PTPRG: variants seen among roughly 807,000 people sequenced by gnomAD.
PTPRG encodes the protein protein tyrosine phosphatase receptor type G.
In PTPRG, 102 loss-of-function variants were observed where a neutral mutation model predicts 165.3. The ratio of observed to expected loss-of-function variants is 0.62; its 90% CI spans 0.53 to 0.73. The LOEUF (loss-of-function observed/expected upper bound fraction) is 0.73. Among genes scored for constraint, PTPRG ranks in the 30% least tolerant of loss-of-function variants. The probability of loss-of-function intolerance (pLI) is 0.00; values close to 1 mark genes in which losing one functional copy is unlikely to be tolerated. For missense variants in PTPRG, 1,866 were observed against 1,861.4 expected (o/e 1.00, Z -0.05); for synonymous variants, 675 against 669.5 (o/e 1.01, Z -0.13).
chr3:61,877,353 G>C (rs1168142640), intron 2 of PTPRG, among the ~76,000 whole-genome samples: 1 of 152,142 alleles, frequency 6.6e-6, no homozygotes, highest in Non-Finnish European at 1.5e-5. Context: ...TGCTGGCCTG[G>C]CCTGGCCCTC....
At chr3:61,809,261 T>G (rs2035504179) in intron 2 of PTPRG, among the ~76,000 whole-genome samples, 1 of 151,822 alleles carries the variant, frequency 6.6e-6, no homozygotes, top group African/African-American at 2.4e-5. Flanking sequence ...AAGGTATAAT[T>G]ATATTACCAT....
intron 5 of PTPRG, among the ~76,000 whole-genome samples, chr3:62,113,160 G>A (rs1030885693): frequency 6.6e-6 from 1 of 152,156 alleles, no homozygotes; most frequent in Non-Finnish European, 1.5e-5. Flanking sequence ...AGTTTGCTGA[G>A]AAATTCCATA....
At chr3:61,619,362 G>A (rs981596684) in intron 1 of PTPRG, among the ~76,000 whole-genome samples, 1 of 152,028 alleles carries the variant, frequency 6.6e-6, no homozygotes, top group Non-Finnish European at 1.5e-5. Context: ...AACTGAGGGA[G>A]GGTTAATAGT....
chr3:61,585,751 G>T (rs1700420299), intron 1 of PTPRG, among the ~76,000 whole-genome samples: 1 of 152,176 alleles, frequency 6.6e-6, no homozygotes, highest in East Asian at 1.9e-4. Context: ...TGTCTCAAAA[G>T]AAAACAATAT....
intron 4 of PTPRG, among the ~76,000 whole-genome samples, chr3:62,020,847 T>TTG (rs1435024984): frequency 2.1e-4 from 32 of 150,118 alleles, no homozygotes; most frequent in Non-Finnish European, 3.4e-4. Flanking sequence ...TTTTTTTTGT[T>TTG]TTTTTTTTTT....
intron 2 of PTPRG, among the ~76,000 whole-genome samples, chr3:61,916,227 A>G (rs1400227230): frequency 2.6e-5 from 4 of 152,172 alleles, no homozygotes; most frequent in Non-Finnish European, 4.4e-5. Flanking sequence ...GCATTTGTAA[A>G]TTGAGTTTTT....
chr3:61,819,233 G>A (rs892665690), intron 2 of PTPRG, among the ~76,000 whole-genome samples: 14 of 152,204 alleles, frequency 9.2e-5, no homozygotes, highest in African/African-American at 3.4e-4. Context: ...TCATATGATT[G>A]TGAGTGTGCC....
rs1476439863 is a variant in PTPRG, at chr3:62,295,348, ATAGAG to A, written c.*2044_*2048del. 4 of 152,112 alleles carry A rather than the reference ATAGAG, an allele frequency of 2.6e-5. No individual in the cohort carries two copies. The highest frequency in any genetic ancestry group is 4.8e-5 in the African/African-American group (2 of 41,426). 9.4% of individuals were successfully genotyped at this position (152,112 alleles called of 1,614,324 possible). A position where few individuals can be genotyped will look rare whatever the true frequency, so the allele number is the denominator to read the frequency against. On this transcript the variant is annotated 3_prime_UTR_variant, in exon 30 of 30. Transcript: ENST00000474889. ...CAATTAAGTGGGTTGTTTTAGATGTATAGAGTATTGATATGAGTTAACACTTTTTA... is the reference window on the plus strand; with the variant it reads ...CAATTAAGTGGGTTGTTTTAGATGTATATTGATATGAGTTAACACTTTTTA...
chr3:61,799,006 T>C (rs2035150121), intron 2 of PTPRG, among the ~76,000 whole-genome samples: 2 of 151,932 alleles, frequency 1.3e-5, no homozygotes, highest in South Asian at 4.2e-4. Context: ...TCTCCACCTG[T>C]TAGGGACATA....
intron 6 of PTPRG, among the ~76,000 whole-genome samples, chr3:62,153,437 G>A (rs1032962977): frequency 8.5e-5 from 13 of 152,358 alleles, no homozygotes; most frequent in South Asian, 8.3e-4. Flanking sequence ...GCCATCAAAT[G>A]TCAGTTAATT....
chr3:62,047,846 T>TC (rs1273930942), intron 4 of PTPRG, among the ~76,000 whole-genome samples: 4 of 151,888 alleles, frequency 2.6e-5, no homozygotes, highest in Non-Finnish European at 5.9e-5. Context: ...TACCATTCCC[T>TC]CCCCCAGCCT....
At chr3:61,970,028 A>G (rs2040349350) in intron 2 of PTPRG, among the ~76,000 whole-genome samples, 1 of 152,254 alleles carries the variant, frequency 6.6e-6, no homozygotes, top group South Asian at 2.1e-4. Flanking sequence ...AGCCATAGAT[A>G]GATTCCTATC....
At chr3:61,614,140 G>T (rs565331359) in intron 1 of PTPRG, among the ~76,000 whole-genome samples, 1 of 152,156 alleles carries the variant, frequency 6.6e-6, no homozygotes, top group Non-Finnish European at 1.5e-5. Flanking sequence ...CTCTTCGCCT[G>T]TTGTTCCTCA....
chr3:61,970,829 A>G (rs1575835805), intron 2 of PTPRG, among the ~76,000 whole-genome samples: 1 of 152,336 alleles, frequency 6.6e-6, no homozygotes, highest in Middle Eastern at 3.4e-3. Context: ...GAGTTCATAA[A>G]TGGGAACTTA....
intron 2 of PTPRG, among the ~76,000 whole-genome samples, chr3:61,788,693 C>T (rs1385198305): frequency 6.6e-6 from 1 of 152,204 alleles, no homozygotes; most frequent in Non-Finnish European, 1.5e-5. Context: ...TATTTTTGTC[C>T]TATAAAGAGA....
At chr3:62,209,789 C>T (rs942085888) in intron 12 of PTPRG, among the ~76,000 whole-genome samples, 6 of 152,058 alleles carry the variant, frequency 3.9e-5, no homozygotes, top group Non-Finnish European at 8.8e-5. Flanking sequence ...GCCCACTGAA[C>T]GATCTTTGAA....
At chr3:62,191,095 TGTGTGC>T (rs957320187) in intron 8 of PTPRG, among the ~76,000 whole-genome samples, 1 of 152,142 alleles carries the variant, frequency 6.6e-6, no homozygotes, top group Non-Finnish European at 1.5e-5. Context: ...TGCATGTGTG[TGTGTGC>T]ATCTGTGCCC....
At chr3:61,801,406 T>C (rs1240443566) in intron 2 of PTPRG, among the ~76,000 whole-genome samples, 3 of 151,018 alleles carry the variant, frequency 2.0e-5, no homozygotes, top group Non-Finnish European at 4.4e-5. Flanking sequence ...CCTCTAGGGC[T>C]CAAGTAATCC....
intron 1 of PTPRG, among the ~76,000 whole-genome samples, chr3:61,676,522 C>T (rs1703236923): frequency 6.8e-6 from 1 of 147,480 alleles, no homozygotes; most frequent in Non-Finnish European, 1.5e-5. Flanking sequence ...GAATACTTCA[C>T]TGTAATTCCA....
Sources: gnomAD v4.1 joint callset for allele counts (sites outside exome capture counted in the v4.1 genomes callset) on GRCh38, gnomAD v4.1.1 for gene constraint, MANE v1.5 for transcripts, NCBI Gene and HGNC (gene_info 2026-07-23, HGNC 2026-07-21) for gene names.